The following MYT1L variants were observed in gnomAD, a reference collection of about 807,000 sequenced individuals.
MYT1L encodes the protein myelin transcription factor 1 like.
A neutral mutation model predicts 126.7 loss-of-function variants in MYT1L; 12 were observed. The observed-to-expected ratio is 0.09, with a 90% CI of 0.06 to 0.15. The LOEUF (loss-of-function observed/expected upper bound fraction) is 0.15. Among genes scored for constraint, MYT1L ranks in the 10% least tolerant of loss-of-function variants. The probability of loss-of-function intolerance (pLI) is 1.00; values close to 1 mark genes in which losing one functional copy is unlikely to be tolerated. For synonymous variants in MYT1L, 541 were observed against 604.2 expected, an observed-to-expected ratio of 0.90 and a Z score of 1.53; for missense variants, 979 against 1,585.2, an observed-to-expected ratio of 0.62 and a Z score of 6.49.
chr2:2,031,693 G>A lies in MYT1L; in HGVS notation c.-158+22285C>T, dbSNP rs555238224. On this transcript the variant is annotated intron_variant, in intron 4 of 24. Coordinates refer to ENST00000647738, the MANE Select transcript of MYT1L (RefSeq NM_001303052.2). ...CTGTGGCCCAGAGCAGATTCTAGAAGGAGGGCCTTATACACACCCCCTCAC... is the reference window on the plus strand; with the variant it reads ...CTGTGGCCCAGAGCAGATTCTAGAAAGAGGGCCTTATACACACCCCCTCAC... 4.4e-5 allele frequency among the ~76,000 whole-genome samples: 6 copies of A among 136,304 alleles called. No homozygotes were observed. The South Asian group carries it at 9.9e-4, about 23-fold the overall frequency. The allele number at this position is 136,304 out of a possible 152,430, so 89.4% of individuals were successfully genotyped here.
chr2:1,966,145 G>A (rs962256930), intron 8 of MYT1L, among the ~76,000 whole-genome samples: 1 of 152,236 alleles, frequency 6.6e-6, no homozygotes, highest in Non-Finnish European at 1.5e-5. Flanking sequence ...CTGCCTGGTG[G>A]CCTATTCCTT....
At chr2:2,157,704 A>G (rs147556890) in intron 3 of MYT1L, among the ~76,000 whole-genome samples, 1 of 152,286 alleles carries the variant, frequency 6.6e-6, no homozygotes, top group East Asian at 1.9e-4. Context: ...CTTCCTATGC[A>G]TTCATCTGCT....
At chr2:1,958,881 G>A (rs1166344644) in intron 8 of MYT1L, among the ~76,000 whole-genome samples, 1 of 152,148 alleles carries the variant, frequency 6.6e-6, no homozygotes, top group Non-Finnish European at 1.5e-5. Context: ...CGGCCCACCC[G>A]ACTGCAGAGG....
chr2:2,019,312 C>T (rs1233647199), intron 4 of MYT1L, among the ~76,000 whole-genome samples: 1 of 152,152 alleles, frequency 6.6e-6, no homozygotes, highest in African/African-American at 2.4e-5. Flanking sequence ...TGCCTGCCAC[C>T]ATGCGAGATG....
In MYT1L at chr2:1,929,173, T is replaced by A. The variant is rs1268445773; in HGVS notation, c.506-5910A>T. Among the ~76,000 whole-genome samples the A allele has an allele frequency of 6.6e-6, 1 of 152,106 alleles. No homozygotes were observed. Among genetic ancestry groups the A allele is most frequent in the Non-Finnish European group, 1.5e-5 (1 of 68,014 alleles). ...CTTTCCTTTCATAAGAGGGGAGAAGTCACTTTCCCAGCCCGGGTGGCCTTC... is the reference window on the plus strand; with the variant it reads ...CTTTCCTTTCATAAGAGGGGAGAAGACACTTTCCCAGCCCGGGTGGCCTTC... On this transcript the variant is annotated intron_variant, in intron 9 of 24. Transcript: ENST00000647738. This position sits in a 1 kb window ranked among gnomAD's most constrained non-coding sequence, Gnocchi z 4.7.
At chr2:1,973,042 A>T (rs2059922337) in intron 8 of MYT1L, among the ~76,000 whole-genome samples, 1 of 152,232 alleles carries the variant, frequency 6.6e-6, no homozygotes, top group African/African-American at 2.4e-5. Flanking sequence ...AGTCCAGTGA[A>T]GGTTAAATGG....
intron 2 of MYT1L, among the ~76,000 whole-genome samples, chr2:2,238,665 G>A (rs1017048055): frequency 3.9e-5 from 6 of 152,180 alleles, no homozygotes; most frequent in Non-Finnish European, 5.9e-5. Flanking sequence ...GAGATCCTGC[G>A]TTACAATCTC....
Position 2,121,024 on chromosome 2 carries a change from C to T in MYT1L, c.-304+51848G>A, listed in dbSNP as rs115007989. Among the ~76,000 whole-genome samples, 920 of 152,300 alleles carry T rather than the reference C, an allele frequency of 6.0e-3. 11 individuals carry two copies. Among genetic ancestry groups the T allele is most frequent in the African/African-American group, 0.021 (883 of 41,556 alleles). ...GGAGGCCGGCGCGGAGGAACCAGCGCCCACAGACCCTTGCTCGGCGGAAGT... is the reference window on the plus strand; with the variant it reads ...GGAGGCCGGCGCGGAGGAACCAGCGTCCACAGACCCTTGCTCGGCGGAAGT... On this transcript the variant is annotated intron_variant, in intron 3 of 24. Coordinates refer to ENST00000647738, the MANE Select transcript of MYT1L (RefSeq NM_001303052.2).
intron 2 of MYT1L, among the ~76,000 whole-genome samples, chr2:2,213,606 G>C (rs1325668660): frequency 6.6e-6 from 1 of 152,206 alleles, no homozygotes; most frequent in Non-Finnish European, 1.5e-5. Context: ...GCCTTCAGCA[G>C]AGCACTCAGA....
intron 2 of MYT1L, among the ~76,000 whole-genome samples, chr2:2,205,983 T>A (rs2093300550): frequency 6.9e-6 from 1 of 145,212 alleles, no homozygotes; most frequent in Non-Finnish European, 1.5e-5. Context: ...TCTTTTCTTT[T>A]CTTTCTTTTT....
At chr2:2,254,770 C>G (rs1393482477) in intron 2 of MYT1L, among the ~76,000 whole-genome samples, 1 of 152,044 alleles carries the variant, frequency 6.6e-6, no homozygotes, top group East Asian at 1.9e-4. Flanking sequence ...CTTAATTGAA[C>G]TTTAATCTTC....
intron 1 of MYT1L, among the ~76,000 whole-genome samples, chr2:2,318,467 AG>A (rs2096106512): frequency 6.6e-6 from 1 of 152,224 alleles, no homozygotes; most frequent in African/African-American, 2.4e-5. Context: ...CCTGGAGAGC[AG>A]ATACATCATT....
At chr2:2,033,658 G>A (rs774404267) in intron 4 of MYT1L, among the ~76,000 whole-genome samples, 12 of 152,170 alleles carry the variant, frequency 7.9e-5, no homozygotes, top group African/African-American at 2.9e-4. Context: ...AATTTGATTT[G>A]AGGTCATTAC....
rs2041542985 is a variant in MYT1L, at chr2:1,840,691, G to T, written c.2858+69C>A. On this transcript the variant is annotated intron_variant, in intron 20 of 24. Coordinates refer to ENST00000647738, the MANE Select transcript of MYT1L (RefSeq NM_001303052.2). ...CTCTTTTTCTTGTTGACATATACTTGCTTTGCTTGAATGCCTCGTCCCCAC... is the reference window on the plus strand; with the variant it reads ...CTCTTTTTCTTGTTGACATATACTTTCTTTGCTTGAATGCCTCGTCCCCAC... 4 of 1,124,390 alleles carry T rather than the reference G, an allele frequency of 3.6e-6. No homozygotes were observed. The Admixed American group carries it at 8.9e-5, about 25-fold the overall frequency. 69.7% of individuals were successfully genotyped at this position (1,124,390 alleles called of 1,614,324 possible). A position where few individuals can be genotyped will look rare whatever the true frequency, so the allele number is the denominator to read the frequency against.
chr2:1,828,769 T>G (rs1256818921), intron 21 of MYT1L: 1 of 152,230 alleles, frequency 6.6e-6, no homozygotes, highest in Non-Finnish European at 1.5e-5. Flanking sequence ...TGTTCTCATT[T>G]ATAATGGACT....
chr2:2,282,700 G>C (rs1177180112), intron 2 of MYT1L, among the ~76,000 whole-genome samples: 3 of 152,206 alleles, frequency 2.0e-5, no homozygotes, highest in African/African-American at 4.8e-5. Flanking sequence ...AATTACAATA[G>C]AGAATTGATG....
At chr2:1,915,835 A>T (rs1186450836) in intron 11 of MYT1L, among the ~76,000 whole-genome samples, 1 of 152,208 alleles carries the variant, frequency 6.6e-6, no homozygotes, top group Non-Finnish European at 1.5e-5. Context: ...GGCATTGGCT[A>T]ACCTCTGGAA....
intron 2 of MYT1L, among the ~76,000 whole-genome samples, chr2:2,210,926 T>G (rs997512387): frequency 5.3e-5 from 8 of 152,202 alleles, no homozygotes; most frequent in Non-Finnish European, 1.5e-5. Flanking sequence ...ATAGTTTTTG[T>G]TGTAAAGATA....
intron 2 of MYT1L, among the ~76,000 whole-genome samples, chr2:2,272,484 C>G (rs2095282905): frequency 6.6e-6 from 1 of 152,300 alleles, no homozygotes; most frequent in South Asian, 2.1e-4. Flanking sequence ...GGTCAGATCT[C>G]AAACTATAAG....
Sources: gnomAD v4.1 joint callset for allele counts (sites outside exome capture counted in the v4.1 genomes callset) on GRCh38, gnomAD v4.1.1 for gene constraint, Gnocchi (gnomAD v3.1) non-coding constraint, MANE v1.5 for transcripts, NCBI Gene and HGNC (gene_info 2026-07-23, HGNC 2026-07-21) for gene names.